Variants in GPC5 observed in about 807,000 individuals in gnomAD.
GPC5 encodes glypican 5.
A neutral mutation model predicts 53.9 loss-of-function variants in GPC5; 47 were observed. The ratio of observed to expected loss-of-function variants is 0.87; its 90% confidence interval spans 0.69 to 1.11. GPC5 has a LOEUF of 1.11. Among genes scored for constraint, GPC5 ranks in the 50% most tolerant of loss-of-function variants. The pLI, the probability that GPC5 is intolerant of heterozygous loss-of-function variation, is 0.00. For missense variants in GPC5, 748 were observed against 713.1 expected (o/e 1.05, Z -0.56); for synonymous variants, 286 against 263.3 (o/e 1.09, Z -0.84).
intron 3 of GPC5, among the ~76,000 whole-genome samples, chr13:91,719,046 G>GA (rs34325528): frequency 0.031 from 4,583 of 148,238 alleles, 227 homozygotes; most frequent in African/African-American, 0.11. Flanking sequence ...CAGTTAAAGA[G>GA]AAAAAAAAAA....
chr13:91,517,263 C>T (rs543281119), intron 2 of GPC5, among the ~76,000 whole-genome samples: 1 of 152,292 alleles, frequency 6.6e-6, no homozygotes, highest in South Asian at 2.1e-4. Context: ...AAACTGAATG[C>T]CTTTAACAGC....
At chr13:92,664,249 A>G (rs72641038) in intron 7 of GPC5, among the ~76,000 whole-genome samples, 8,379 of 151,752 alleles carry the variant, frequency 0.055, 289 homozygotes, top group African/African-American at 0.096. Context: ...GAGAAGAGAG[A>G]TAATGTGAGA....
intron 7 of GPC5, among the ~76,000 whole-genome samples, chr13:92,384,755 T>G (rs7322982): frequency 0.017 from 2,660 of 152,240 alleles, 78 homozygotes; most frequent in African/African-American, 0.06. Context: ...GAGAGCAGCA[T>G]TTTCCCCACA....
At chr13:92,170,666 C>G (rs2042064155) in intron 7 of GPC5, among the ~76,000 whole-genome samples, 1 of 151,992 alleles carries the variant, frequency 6.6e-6, no homozygotes, top group Admixed American at 6.6e-5. Flanking sequence ...CTCAGGTGAT[C>G]CGCCTGCCTC....
At chr13:92,862,678 G>A (rs150068859) in intron 7 of GPC5, among the ~76,000 whole-genome samples, 19 of 150,220 alleles carry the variant, frequency 1.3e-4, no homozygotes, top group African/African-American at 2.4e-4. Flanking sequence ...GATTTGACTC[G>A]TCTAAGTGTG....
At chr13:91,646,384 A>G (rs571051648) in intron 2 of GPC5, among the ~76,000 whole-genome samples, 2 of 152,190 alleles carry the variant, frequency 1.3e-5, no homozygotes, top group Admixed American at 6.5e-5. Flanking sequence ...TAAAATTTAC[A>G]ATGAAATAAA....
chr13:92,161,127 T>C (rs2041985128), intron 7 of GPC5, among the ~76,000 whole-genome samples: 1 of 152,112 alleles, frequency 6.6e-6, no homozygotes, highest in African/African-American at 2.4e-5. Flanking sequence ...TATCTGTCTA[T>C]ATGCCACAGA....
intron 5 of GPC5, among the ~76,000 whole-genome samples, chr13:91,860,985 G>A (rs990794725): frequency 3.3e-5 from 5 of 152,006 alleles, no homozygotes; most frequent in African/African-American, 1.2e-4. Flanking sequence ...TGAACTATGA[G>A]TTAGTGTTTC....
At chr13:92,533,676 C>T (rs1408075043) in intron 7 of GPC5, among the ~76,000 whole-genome samples, 1 of 152,062 alleles carries the variant, frequency 6.6e-6, no homozygotes, top group Non-Finnish European at 1.5e-5. Context: ...GAAAAGATCT[C>T]ATTGGTAGGT....
chr13:91,414,676 G>GT (rs1441011138), intron 1 of GPC5, among the ~76,000 whole-genome samples: 2 of 152,168 alleles, frequency 1.3e-5, no homozygotes, highest in South Asian at 2.1e-4. Flanking sequence ...CTTTTGCATA[G>GT]TTTTTTCTGC....
intron 6 of GPC5, among the ~76,000 whole-genome samples, chr13:92,002,514 CCAA>C (rs1337879750): frequency 2.0e-5 from 3 of 152,084 alleles, no homozygotes; most frequent in Non-Finnish European, 4.4e-5. Context: ...GCAGATGCCA[CCAA>C]CATTTTGTTG....
chr13:92,034,592 G>A (rs774358132), intron 6 of GPC5, among the ~76,000 whole-genome samples: 11 of 152,174 alleles, frequency 7.2e-5, no homozygotes, highest in African/African-American at 1.2e-4. Context: ...CAGGAGATTT[G>A]ATAGGAATGG....
chr13:91,620,559 A>G (rs1315158482), intron 2 of GPC5, among the ~76,000 whole-genome samples: 1 of 152,126 alleles, frequency 6.6e-6, no homozygotes, highest in East Asian at 1.9e-4. Context: ...GTAAACTGTC[A>G]GATTCATTTG....
intron 7 of GPC5, among the ~76,000 whole-genome samples, chr13:92,405,631 G>T (rs1231312926): frequency 6.6e-6 from 1 of 152,110 alleles, no homozygotes; most frequent in East Asian, 1.9e-4. Flanking sequence ...TCTTGTCCTT[G>T]TGCAAGTATT....
chr13:92,757,543 C>T (rs568949825), intron 7 of GPC5, among the ~76,000 whole-genome samples: 8 of 152,172 alleles, frequency 5.3e-5, no homozygotes, highest in African/African-American at 9.6e-5. Flanking sequence ...AGTGAACAGG[C>T]AACCTACAAA....
chr13:91,876,206 A>G (rs2039200215), intron 5 of GPC5, among the ~76,000 whole-genome samples: 1 of 152,206 alleles, frequency 6.6e-6, no homozygotes, highest in Non-Finnish European at 1.5e-5. Flanking sequence ...CAGCAGCGTG[A>G]AAACAGACTA....
intron 7 of GPC5, among the ~76,000 whole-genome samples, chr13:92,474,130 T>G (rs928829804): frequency 7.0e-6 from 1 of 143,392 alleles, no homozygotes; most frequent in Non-Finnish European, 1.5e-5. Flanking sequence ...TGCTTTCAAA[T>G]TAATAGCCAT....
chr13:92,017,270 T>C (rs935196579), intron 6 of GPC5, among the ~76,000 whole-genome samples: 1 of 152,142 alleles, frequency 6.6e-6, no homozygotes, highest in Non-Finnish European at 1.5e-5. Context: ...CCTAGTGATA[T>C]GTTATTGTTT....
intron 7 of GPC5, among the ~76,000 whole-genome samples, chr13:92,694,300 G>A (rs1165213772): frequency 6.6e-6 from 1 of 152,148 alleles, no homozygotes; most frequent in Non-Finnish European, 1.5e-5. Flanking sequence ...GTGGAGCTGT[G>A]AGAAAGGGGC....
Sources: allele counts gnomAD v4.1 joint callset (sites outside exome capture counted in the v4.1 genomes callset), GRCh38; gene constraint gnomAD v4.1.1; transcripts MANE v1.5; gene names NCBI Gene and HGNC (gene_info 2026-07-23, HGNC 2026-07-21).